Variants in RP1 observed in about 807,000 individuals in gnomAD.
RP1 encodes the protein oxygen-regulated protein 1.
RP1 carries 16 observed loss-of-function variants against 14.8 expected under a neutral mutation model. The observed-to-expected ratio is 1.08, with a 90% CI of 0.73 to 1.65. RP1 has a LOEUF of 1.65. Among genes scored for constraint, RP1 ranks in the 40% most tolerant of loss-of-function variants. The pLI, the probability that RP1 is intolerant of heterozygous loss-of-function variation, is 0.00. For missense variants in RP1, 2,631 were observed against 2,535.0 expected, an observed-to-expected ratio of 1.04 and a Z score of -0.81; for synonymous variants, 876 against 883.6, an observed-to-expected ratio of 0.99 and a Z score of 0.15.
At chr8:54,773,436 A>G (rs1809956032), downstream of RP1, among the ~76,000 whole-genome samples, 1 of 152,066 alleles carries the variant, frequency 6.6e-6, no homozygotes, top group African/African-American at 2.4e-5. Context: ...CAGGAGTTTG[A>G]GACCAGCCTG....
upstream of RP1, among the ~76,000 whole-genome samples, chr8:54,614,118 G>A (rs143695213): frequency 5.2e-4 from 79 of 152,336 alleles, 1 homozygote; most frequent in African/African-American, 1.9e-3. Flanking sequence ...GAAGTAGACA[G>A]AGGAATTAAG....
chr8:54,561,918 A>C lies in RP1; in HGVS notation c.-13+2598A>C, dbSNP rs867811226. The C allele has an allele frequency of 1.4e-4, 21 of 152,372 alleles. No homozygotes were observed. The Middle Eastern group carries it at 0.01, about 74-fold the overall frequency. The allele number at this position is 152,372 out of a possible 1,614,324, so 9.4% of individuals were successfully genotyped here. On this transcript the variant is annotated intron_variant, in intron 1 of 22. Transcript: ENST00000636932. ...TCAATGGAAATATAGTAAAACAGAA[A>C]TGAAAATAATTTTGCTTTTCCTTGA...
chr8:54,681,482 T>TG (rs1807426988), intron 12 of RP1, among the ~76,000 whole-genome samples: 3 of 141,666 alleles, frequency 2.1e-5, no homozygotes, highest in Non-Finnish European at 4.6e-5. Context: ...ATTTTTTGAT[T>TG]TGTGTGTGTG....
chr8:54,675,929 T>A (rs1278202411), intron 8 of RP1, among the ~76,000 whole-genome samples: 2 of 152,136 alleles, frequency 1.3e-5, no homozygotes, highest in African/African-American at 2.4e-5. Flanking sequence ...CTGAGAAGTC[T>A]AAGATCAAAG....
At chr8:54,794,199 T>C (rs997513178) in intron 24 of RP1, among the ~76,000 whole-genome samples, 11 of 151,456 alleles carry the variant, frequency 7.3e-5, no homozygotes, top group Non-Finnish European at 1.2e-4. Context: ...TTGACAGAAA[T>C]ATAAAAAACA....
chr8:54,586,868 A>T (rs1258205983), intron 1 of RP1, among the ~76,000 whole-genome samples: 2 of 152,108 alleles, frequency 1.3e-5, no homozygotes, highest in Non-Finnish European at 2.9e-5. Context: ...GGTGGGAGTG[A>T]TCCAATTTTC....
rs2129408467 is a variant in RP1, at chr8:54,852,567, A to G, written c.3836-7A>G. The G allele has an allele frequency of 4.1e-6, 5 of 1,230,650 alleles. No individual in the cohort carries two copies. The South Asian group carries it at 2.1e-4, about 51-fold the overall frequency. 76.2% of individuals were successfully genotyped at this position (1,230,650 alleles called of 1,614,324 possible). A position where few individuals can be genotyped will look rare whatever the true frequency, so the allele number is the denominator to read the frequency against. On this transcript the variant is annotated splice_region_variant and splice_polypyrimidine_tract_variant and intron_variant, in intron 25 of 28. Transcript: ENST00000637698. Reference sequence around the variant, plus strand: ...AGAAAGATAATATCAGATTTCTTACATTTCAGTGGTGCTTTATGAGATTCG... The same window carrying G: ...AGAAAGATAATATCAGATTTCTTACGTTTCAGTGGTGCTTTATGAGATTCG...
At chr8:54,637,542 C>A (rs1329476400) in intron 3 of RP1, among the ~76,000 whole-genome samples, 1 of 152,178 alleles carries the variant, frequency 6.6e-6, no homozygotes, top group Non-Finnish European at 1.5e-5. Flanking sequence ...ATGCCTAATT[C>A]CCACTCCAGA....
chr8:54,624,541 C>G, intron 3 of RP1, 129 bp from the exon 4 acceptor site: 1 of 811,542 alleles, frequency 1.2e-6, no homozygotes, highest in Non-Finnish European at 2.0e-6. Flanking sequence ...AAATATGCTA[C>G]TTTTCATACT....
intron 1 of RP1, among the ~76,000 whole-genome samples, chr8:54,618,200 C>T (rs985171806): frequency 1.3e-5 from 2 of 152,312 alleles, no homozygotes; most frequent in Non-Finnish European, 2.9e-5. Context: ...GGCATCTTCC[C>T]AGGTCATGGT....
At chr8:54,587,231 G>C (rs137985140) in intron 1 of RP1, among the ~76,000 whole-genome samples, 1 of 152,260 alleles carries the variant, frequency 6.6e-6, no homozygotes, top group Admixed American at 6.5e-5. Context: ...TTTGAGACCG[G>C]CCTGGCCAAC....
At chr8:54,596,626 C>T (rs1243757735) in intron 1 of RP1, among the ~76,000 whole-genome samples, 2 of 152,106 alleles carry the variant, frequency 1.3e-5, no homozygotes, top group Non-Finnish European at 2.9e-5. Flanking sequence ...GTTAGTGGTA[C>T]CACAGGGTTG....
At chr8:54,684,692 T>C (rs1807517127) in intron 12 of RP1, among the ~76,000 whole-genome samples, 1 of 152,214 alleles carries the variant, frequency 6.6e-6, no homozygotes, top group Admixed American at 6.5e-5. Context: ...TCCATTTGAC[T>C]CTTTTTTCTT....
At chr8:54,851,214 G>A (rs192234723) in intron 25 of RP1, among the ~76,000 whole-genome samples, 1 of 152,194 alleles carries the variant, frequency 6.6e-6, no homozygotes, top group Admixed American at 6.5e-5. Flanking sequence ...CATTAGGGCC[G>A]TGTGATGGTT....
intron 25 of RP1, among the ~76,000 whole-genome samples, chr8:54,841,078 G>T (rs182431591): frequency 1.8e-3 from 280 of 152,282 alleles, no homozygotes; most frequent in Admixed American, 6.1e-3. Context: ...AGTGGTCTGG[G>T]CATGCTGAGT....
chr8:54,777,268 CTG>C (rs1810066875), intron 23 of RP1, among the ~76,000 whole-genome samples: 1 of 152,226 alleles, frequency 6.6e-6, no homozygotes, highest in Non-Finnish European at 1.5e-5. Context: ...TGTAGTCCCA[CTG>C]TGCACGTGTT....
chr8:54,655,152 A>G (rs1227861033), intron 5 of RP1, among the ~76,000 whole-genome samples: 1 of 152,220 alleles, frequency 6.6e-6, no homozygotes, highest in African/African-American at 2.4e-5. Context: ...TCCATTACAG[A>G]ACACATCTGA....
rs770554668 is a variant in RP1 at position 54,625,724 on chromosome 8, T to G, written c.1842T>G (p.His614Gln). Residue 614 changes from histidine to glutamine, a missense_variant, in exon 4 of 4, where the codon CAT becomes CAG. Coordinates refer to ENST00000220676, the MANE Select transcript of RP1 (RefSeq NM_006269.2). ...RFSPISADAT[H>Q]FSSNNSGTDK... ...GTCCTATTTCAGCAGATGCAACCCA[T>G]TTTTCAAGTAATAACTCTGGAACTG... The G allele has an allele frequency of 6.2e-7, 1 of 1,613,988 alleles. No individual in the cohort carries two copies. Among genetic ancestry groups the G allele is most frequent in the South Asian group, 1.1e-5 (1 of 91,064 alleles).
At chr8:54,593,634 G>C (rs937302676) in intron 1 of RP1, among the ~76,000 whole-genome samples, 1 of 152,158 alleles carries the variant, frequency 6.6e-6, no homozygotes. Flanking sequence ...GCACTGTGAA[G>C]GGAACAGGAA....
Sources: gnomAD v4.1 joint callset for allele counts (sites outside exome capture counted in the v4.1 genomes callset) on GRCh38, gnomAD v4.1.1 for gene constraint, MANE v1.5 for transcripts, NCBI Gene and HGNC (gene_info 2026-07-23, HGNC 2026-07-21) for gene names.